Variants in WNT3 observed in about 807,000 individuals in gnomAD.
WNT3 encodes proto-oncogene Wnt-3.
WNT3 carries 7 observed loss-of-function variants against 34.2 expected under a neutral mutation model. The observed-to-expected ratio is 0.20, with a 90% confidence interval of 0.12 to 0.38. The LOEUF is 0.38. WNT3 is among the 10% of genes least tolerant of loss of function. The pLI is 1.00. For synonymous variants in WNT3, 212 were observed against 211.5 expected, an observed-to-expected ratio of 1.00 and a Z score of -0.02; for missense variants, 267 against 499.8, an observed-to-expected ratio of 0.53 and a Z score of 4.44.
intron 1 of WNT3, among the ~76,000 whole-genome samples, chr17:46,795,434 A>T (rs1417382477): frequency 6.6e-6 from 1 of 152,038 alleles, no homozygotes; most frequent in Admixed American, 6.5e-5. Context: ...GTCTGAGAAG[A>T]CCAGCCGGCC....
intron 1 of WNT3, among the ~76,000 whole-genome samples, chr17:46,818,203 G>A (rs952541427): frequency 1.3e-5 from 2 of 152,074 alleles, no homozygotes; most frequent in African/African-American, 2.4e-5. Context: ...GCAAGCAAAT[G>A]GGGGGTCTTC....
chr17:46,806,161 T>C (rs1568094722), intron 1 of WNT3, among the ~76,000 whole-genome samples: 1 of 151,866 alleles, frequency 6.6e-6, no homozygotes, highest in Non-Finnish European at 1.5e-5. Context: ...CCTGGTTGGG[T>C]CCTGTGATCC....
chr17:46,818,559 C>T lies in WNT3; in HGVS notation c.39G>A (p.Leu13=). 6.2e-7 allele frequency: 1 copy of T among 1,609,008 alleles called. No individual in the cohort carries two copies. Among genetic ancestry groups the T allele is most frequent in the South Asian group, 1.1e-5 (1 of 89,876 alleles). The change falls in exon 1 of 5, where the codon CTG becomes CTA. Residue 13 remains leucine, a synonymous_variant. Coordinates refer to ENST00000225512, the MANE Select transcript of WNT3 (RefSeq NM_030753.5). The part of the protein sequence containing the change: ...PHLLGLLLGL[L]LGGTRVLAGY... ...CAGCGAGGACCCTGGTGCCACCGAG[C>T]AGGAGGCCGAGGAGCAGCCCGAGCA...
At position 46,763,508 on chromosome 17, in the gene WNT3, G is replaced by T. The variant is rs527529374; in HGVS notation, c.*1122C>A. On this transcript the variant is annotated 3_prime_UTR_variant, in exon 5 of 5. Coordinates refer to ENST00000225512, the MANE Select transcript of WNT3 (RefSeq NM_030753.5). ...TCTGTGTTTACTCACATTGGCCCCA[G>T]AGAGGAAAGGACACAGTAAGATGGG... 6.6e-6 allele frequency: 1 copy of T among 152,346 alleles called. No individual in the cohort carries two copies. The highest frequency in any genetic ancestry group is 6.5e-5 in the Admixed American group (1 of 15,308). 9.4% of individuals were successfully genotyped at this position (152,346 alleles called of 1,614,324 possible). A position where few individuals can be genotyped will look rare whatever the true frequency, so the allele number is the denominator to read the frequency against.
chr17:46,809,878 C>A (rs2084248809), intron 1 of WNT3, among the ~76,000 whole-genome samples: 1 of 152,146 alleles, frequency 6.6e-6, no homozygotes, highest in African/African-American at 2.4e-5. Context: ...CCCTGTCCAG[C>A]CCCACTTCTT....
chr17:46,789,191 A>G (rs1022406243), intron 1 of WNT3, among the ~76,000 whole-genome samples: 1 of 151,988 alleles, frequency 6.6e-6, no homozygotes, highest in Non-Finnish European at 1.5e-5. Context: ...TCTCCTCTTT[A>G]TGGGGGCCCA....
Position 46,763,771 on chromosome 17 carries a change from C to A in WNT3, c.*859G>T, listed in dbSNP as rs1411502149. On this transcript the variant is annotated 3_prime_UTR_variant, in exon 5 of 5. Coordinates refer to ENST00000225512, the MANE Select transcript of WNT3 (RefSeq NM_030753.5). ...AGATACCGCTTATTTATTTAGGAAG[C>A]CATTTGAGCTAGAGAAGACTTGCCC... The A allele has an allele frequency of 6.7e-6, 1 of 149,428 alleles. No individual in the cohort carries two copies. Among genetic ancestry groups the A allele is most frequent in the Admixed American group, 6.7e-5 (1 of 14,976 alleles). 9.3% of individuals were successfully genotyped at this position (149,428 alleles called of 1,614,324 possible).
chr17:46,788,759 A>G (rs545438018), intron 1 of WNT3, among the ~76,000 whole-genome samples: 63 of 150,480 alleles, frequency 4.2e-4, no homozygotes, highest in African/African-American at 1.5e-3. Context: ...CCCTGCGAGG[A>G]CCTCCCTGCC....
chr17:46,792,336 C>T lies in WNT3; in HGVS notation c.81-18427G>A, dbSNP rs1468525319. ...AAGAACGCTTTTACAGGTGATTACC[C>T]ATAATGAATAAGATAAGGTGGGGTA... On this transcript the variant is annotated intron_variant, in intron 1 of 4. Coordinates refer to ENST00000225512, the MANE Select transcript of WNT3 (RefSeq NM_030753.5). Among the ~76,000 whole-genome samples the T allele has an allele frequency of 6.6e-5, 10 of 152,126 alleles. 1 individual carries two copies. The highest frequency in any genetic ancestry group is 6.5e-4 in the Admixed American group (10 of 15,274).
intron 1 of WNT3, among the ~76,000 whole-genome samples, chr17:46,793,418 A>G (rs1382013072): frequency 6.6e-6 from 1 of 152,070 alleles, no homozygotes. Context: ...GTTGGGGTTA[A>G]CATCCCTGTA....
chr17:46,775,407 A>AG (rs1409945319), intron 1 of WNT3, among the ~76,000 whole-genome samples: 1 of 152,142 alleles, frequency 6.6e-6, no homozygotes, highest in Non-Finnish European at 1.5e-5. Flanking sequence ...GGCACCGTGC[A>AG]GGGGCATGCT....
chr17:46,799,597 G>A (rs778426359), intron 1 of WNT3, among the ~76,000 whole-genome samples: 7 of 152,014 alleles, frequency 4.6e-5, no homozygotes, highest in Admixed American at 6.6e-5. Context: ...ACAGGTGTGC[G>A]CCACCATGCC....
chr17:46,773,550 C>A (rs1440421964), intron 2 of WNT3, 118 bp downstream of exon 2: 19 of 1,214,004 alleles, frequency 1.6e-5, no homozygotes, highest in Non-Finnish European at 1.9e-5. Context: ...AAATTTATCA[C>A]CCTCCCAGAG....
At chr17:46,786,988 A>C (rs931265320) in intron 1 of WNT3, among the ~76,000 whole-genome samples, 8 of 149,852 alleles carry the variant, frequency 5.3e-5, no homozygotes, top group Non-Finnish European at 1.0e-4. Context: ...CACAGGCTGC[A>C]GTGCAGTGGC....
At chr17:46,770,500 T>C (rs1954285838) in intron 2 of WNT3, among the ~76,000 whole-genome samples, 1 of 151,986 alleles carries the variant, frequency 6.6e-6, no homozygotes, top group African/African-American at 2.4e-5. Flanking sequence ...CCTGGGAATC[T>C]ACAGCCTAAA....
At chr17:46,805,065 C>T (rs961488671) in intron 1 of WNT3, among the ~76,000 whole-genome samples, 7 of 152,022 alleles carry the variant, frequency 4.6e-5, no homozygotes, top group African/African-American at 1.7e-4. Context: ...CGCAAAGGTA[C>T]GTGGCTTCAT....
At chr17:46,810,637 TAG>T (rs1568097348) in intron 1 of WNT3, among the ~76,000 whole-genome samples, 1 of 152,152 alleles carries the variant, frequency 6.6e-6, no homozygotes, top group African/African-American at 2.4e-5. Context: ...TCTTTGTGTG[TAG>T]AGTTTAGAGC....
intron 4 of WNT3, among the ~76,000 whole-genome samples, chr17:46,765,655 G>A (rs1320737451): frequency 2.3e-4 from 35 of 152,230 alleles, no homozygotes; most frequent in Admixed American, 2.0e-3. Flanking sequence ...CTTGCCTAGC[G>A]GAGTCTCGGC....
chr17:46,768,264 TC>T lies in WNT3; in HGVS notation c.*8+47del. 2 of 1,610,352 alleles carry T rather than the reference TC, an allele frequency of 1.2e-6. No individual in the cohort carries two copies. Among genetic ancestry groups the T allele is most frequent in the Non-Finnish European group, 8.5e-7 (1 of 1,179,798 alleles). ...AGACGAGATGGGCAAACAACCCCATTCCCTGCGCCCAGGCTCCCAGCCTCCC... is the reference window on the plus strand; with the variant it reads ...AGACGAGATGGGCAAACAACCCCATTCCTGCGCCCAGGCTCCCAGCCTCCC... On this transcript the variant is annotated intron_variant, in intron 4 of 4. Coordinates refer to ENST00000225512, the MANE Select transcript of WNT3 (RefSeq NM_030753.5). The surrounding 1 kb of genome is among the most constrained non-coding windows in gnomAD (Gnocchi z 5.0).
Sources: gnomAD v4.1 joint callset for allele counts (sites outside exome capture counted in the v4.1 genomes callset) on GRCh38, gnomAD v4.1.1 for gene constraint, Gnocchi (gnomAD v3.1) non-coding constraint, MANE v1.5 for transcripts, NCBI Gene and HGNC (gene_info 2026-07-23, HGNC 2026-07-21) for gene names.